TM4SF20: variants seen among roughly 807,000 people sequenced by gnomAD.
TM4SF20 encodes the protein transmembrane 4 L6 family member 20.
In TM4SF20, 13 loss-of-function variants were observed where a neutral mutation model predicts 15.1. The observed-to-expected ratio is 0.86, with a 90% confidence interval of 0.56 to 1.36. The LOEUF is 1.36. Ranked by LOEUF, TM4SF20 falls within the 40% of genes most tolerant of loss-of-function variation. The pLI is 0.00. For missense variants in TM4SF20, 282 were observed against 268.4 expected (o/e 1.05, Z -0.35); for synonymous variants, 92 against 96.6 (o/e 0.95, Z 0.28).
rs562899777 is a variant in TM4SF20 at position 227,371,774 on chromosome 2, T to C, written c.184-794A>G. Reference sequence around the variant, plus strand: ...TTTCCCAGGATCCCGGCTATCTTGCTGGTTTCCCCAAACTTATATTTGAGA... The same window carrying C: ...TTTCCCAGGATCCCGGCTATCTTGCCGGTTTCCCCAAACTTATATTTGAGA... On this transcript the variant is annotated intron_variant, in intron 1 of 3. Coordinates refer to ENST00000304568, the MANE Select transcript of TM4SF20 (RefSeq NM_024795.4). 1.5e-4 allele frequency among the ~76,000 whole-genome samples: 23 copies of C among 152,332 alleles called. 1 individual carries two copies. Among genetic ancestry groups the C allele is most frequent in the African/African-American group, 5.5e-4 (23 of 41,574 alleles).
intron 2 of TM4SF20, among the ~76,000 whole-genome samples, chr2:227,370,616 G>A (rs2076415658): frequency 6.6e-6 from 1 of 152,068 alleles, no homozygotes; most frequent in Non-Finnish European, 1.5e-5. Flanking sequence ...AAATTAGCTG[G>A]GCGTGATGGT....
intron 1 of TM4SF20, among the ~76,000 whole-genome samples, chr2:227,374,923 T>TCC (rs1553787345): frequency 6.9e-5 from 4 of 57,870 alleles, no homozygotes; most frequent in Non-Finnish European, 1.9e-4. Context: ...AGACCCTATC[T>TCC]ACAAAAAAAA....
At chr2:227,379,483 GA>G (rs200098552), upstream of TM4SF20, 34 of 422,036 alleles carry the variant, frequency 8.1e-5, no homozygotes, top group African/African-American at 3.0e-4. Flanking sequence ...AAGGAAAGCA[GA>G]AAAAAAAATC....
chr2:227,374,467 T>C (rs1231407545), intron 1 of TM4SF20, among the ~76,000 whole-genome samples: 1 of 152,024 alleles, frequency 6.6e-6, no homozygotes, highest in African/African-American at 2.4e-5. Context: ...GAATTATATA[T>C]AAATTTTCCA....
At position 227,363,415 on chromosome 2, in the gene TM4SF20, C is replaced by CAAA. The variant is rs5839210; in HGVS notation, c.*306_*308dup. ...TCCAGCCTTTTTTGAGACCCTGTCTCAAAAAAAAAAAAAAAAAGTCCTGTA... is the reference window on the plus strand; with the variant it reads ...TCCAGCCTTTTTTGAGACCCTGTCTCAAAAAAAAAAAAAAAAAAAAGTCCTGTA... On this transcript the variant is annotated 3_prime_UTR_variant, in exon 4 of 4. Coordinates refer to ENST00000304568, the MANE Select transcript of TM4SF20 (RefSeq NM_024795.4). 4,997 of 139,798 alleles carry CAAA rather than the reference C, an allele frequency of 0.036. 289 individuals carry two copies. The highest frequency in any genetic ancestry group is 0.12 in the African/African-American group (3,612 of 30,074). The allele number at this position is 139,798 out of a possible 1,614,324, so 8.7% of individuals were successfully genotyped here. A position where few individuals can be genotyped will look rare whatever the true frequency, so the allele number is the denominator to read the frequency against.
chr2:227,373,538 C>A (rs1415490685), intron 1 of TM4SF20, among the ~76,000 whole-genome samples: 2 of 152,196 alleles, frequency 1.3e-5, no homozygotes, highest in South Asian at 2.1e-4. Flanking sequence ...TATGGCCCAC[C>A]ACCTCTTTCT....
At chr2:227,378,940 G>A in intron 1 of TM4SF20, 146 bp downstream of exon 1, 1 of 725,048 alleles carries the variant, frequency 1.4e-6, no homozygotes, top group Non-Finnish European at 2.3e-6. Flanking sequence ...CTTCACTGAT[G>A]ACCAATATAA....
intron 2 of TM4SF20, among the ~76,000 whole-genome samples, chr2:227,370,341 C>A (rs986940371): frequency 2.0e-5 from 3 of 152,036 alleles, no homozygotes; most frequent in African/African-American, 7.3e-5. Context: ...TCTTTGAAAA[C>A]CTTTAGATTG....
chr2:227,365,745 A>G (rs2076389620), intron 3 of TM4SF20, among the ~76,000 whole-genome samples: 1 of 152,218 alleles, frequency 6.6e-6, no homozygotes, highest in Non-Finnish European at 1.5e-5. Context: ...CCCTATTTCC[A>G]TTCTCCAAGG....
intron 1 of TM4SF20, among the ~76,000 whole-genome samples, chr2:227,374,096 A>AT (rs1042742948): frequency 3.4e-5 from 5 of 148,368 alleles, no homozygotes; most frequent in Non-Finnish European, 7.4e-5. Flanking sequence ...TCTAAAAAAA[A>AT]AAAAAAAAAA....
intron 3 of TM4SF20, among the ~76,000 whole-genome samples, chr2:227,364,273 G>C (rs936871852): frequency 6.6e-6 from 1 of 151,980 alleles, no homozygotes; most frequent in African/African-American, 2.4e-5. Flanking sequence ...TGCTGTTTTG[G>C]GATGTCAGAA....
chr2:227,375,047 C>T (rs2076440589), intron 1 of TM4SF20, among the ~76,000 whole-genome samples: 1 of 151,922 alleles, frequency 6.6e-6, no homozygotes, highest in African/African-American at 2.4e-5. Context: ...CTGCCTCAGC[C>T]TCCCGAGTAG....
At chr2:227,368,994 T>C (rs978727131) in intron 2 of TM4SF20, among the ~76,000 whole-genome samples, 23 of 152,368 alleles carry the variant, frequency 1.5e-4, no homozygotes, top group Middle Eastern at 3.4e-3. Flanking sequence ...TATAAGTGTT[T>C]TGATATTTTT....
upstream of TM4SF20, chr2:227,379,404 G>A (rs561546608): frequency 1.5e-6 from 1 of 647,130 alleles, no homozygotes; most frequent in Admixed American, 3.3e-5. Flanking sequence ...AGTCCAATAG[G>A]GTAGGACATT....
At chr2:227,364,740 C>T (rs2076382735) in intron 3 of TM4SF20, among the ~76,000 whole-genome samples, 1 of 152,204 alleles carries the variant, frequency 6.6e-6, no homozygotes. Context: ...ACTTTGCTAG[C>T]CTAGCCCATC....
chr2:227,365,876 T>C (rs1560003313), intron 3 of TM4SF20, among the ~76,000 whole-genome samples: 1 of 152,226 alleles, frequency 6.6e-6, no homozygotes, highest in Non-Finnish European at 1.5e-5. Flanking sequence ...TTTTAGACAA[T>C]ATCTAAAAGT....
chr2:227,373,721 G>C (rs1197690866), intron 1 of TM4SF20, among the ~76,000 whole-genome samples: 1 of 152,032 alleles, frequency 6.6e-6, no homozygotes, highest in Non-Finnish European at 1.5e-5. Context: ...ACGAGATCAG[G>C]AGATCGAGAC....
At chr2:227,374,940 A>AAAG (rs1266148296) in intron 1 of TM4SF20, among the ~76,000 whole-genome samples, 3 of 150,350 alleles carry the variant, frequency 2.0e-5, no homozygotes, top group Non-Finnish European at 4.4e-5. Context: ...AAAAAAAAAA[A>AAAG]ATTTTGAGAC....
In TM4SF20 at chr2:227,364,003, A is replaced by T. The variant is rs182100079; in HGVS notation, c.411T>A (p.His137Gln). 3.6e-5 allele frequency: 57 copies of T among 1,605,232 alleles called. No individual in the cohort carries two copies. The East Asian group carries it at 1.1e-3, about 31-fold the overall frequency. ...EFSLKNISDIHPESFNLQWFF... is the reference protein window; with the variant it reads ...EFSLKNISDIQPESFNLQWFF... ...ACCACTGCAAGTTGAAGGATTCTGG[A>T]TGAATGTCACTGAAAAACAAAAGAT... The change falls in exon 4 of 4, where the codon CAT becomes CAA. Residue 137 changes from histidine to glutamine, a missense_variant. His to Gln is a conservative substitution (Grantham distance 24). Transcript: ENST00000304568.
Sources: gnomAD v4.1 joint callset for allele counts (sites outside exome capture counted in the v4.1 genomes callset) on GRCh38, gnomAD v4.1.1 for gene constraint, MANE v1.5 for transcripts, NCBI Gene and HGNC (gene_info 2026-07-23, HGNC 2026-07-21) for gene names.